CNTN1: variants seen among roughly 807,000 people sequenced by gnomAD.
The protein encoded by CNTN1 is contactin 1, also known as contactin-1.
Under a neutral mutation model 126.4 loss-of-function variants are expected in CNTN1, and 38 were observed. The observed-to-expected ratio is 0.30, with a 90% CI of 0.23 to 0.39. CNTN1 has a LOEUF of 0.39. Ranked by LOEUF, CNTN1 falls within the 10% of genes least tolerant of loss-of-function variation. The probability of loss-of-function intolerance (pLI) is 1.00; values close to 1 mark genes in which losing one functional copy is unlikely to be tolerated. For missense variants in CNTN1, 1,009 were observed against 1,248.4 expected, an observed-to-expected ratio of 0.81 and a Z score of 2.89; for synonymous variants, 413 against 422.6, an observed-to-expected ratio of 0.98 and a Z score of 0.28.
chr12:40,903,920 T>C (rs1370087055), intron 1 of CNTN1, among the ~76,000 whole-genome samples: 3 of 152,244 alleles, frequency 2.0e-5, no homozygotes, highest in African/African-American at 7.2e-5. Flanking sequence ...ATATTGATAC[T>C]TAAAATATCC....
At chr12:40,859,101 C>A (rs983278950) in intron 1 of CNTN1, among the ~76,000 whole-genome samples, 5 of 151,788 alleles carry the variant, frequency 3.3e-5, no homozygotes, top group East Asian at 3.9e-4. Flanking sequence ...ATGTAACAGA[C>A]CTGCACGTCC....
At chr12:40,773,617 C>A (rs1252402535) in intron 1 of CNTN1, among the ~76,000 whole-genome samples, 1 of 142,676 alleles carries the variant, frequency 7.0e-6, no homozygotes, top group Non-Finnish European at 1.5e-5. Flanking sequence ...GTTTTTCTGA[C>A]CTCTGACCAG....
At position 40,908,498 on chromosome 12, in the gene CNTN1, G is replaced by T; in HGVS notation, c.61+5G>T. 6.3e-7 allele frequency: 1 copy of T among 1,575,774 alleles called. No individual in the cohort carries two copies. Among genetic ancestry groups the T allele is most frequent in the Non-Finnish European group, 8.7e-7 (1 of 1,146,736 alleles). Reference sequence around the variant, plus strand: ...CTATTACTACCTGTTTAGCAGGTAAGAAATATCCTTTGTATATTCTACATA... The same window carrying T: ...CTATTACTACCTGTTTAGCAGGTAATAAATATCCTTTGTATATTCTACATA... On this transcript the variant is annotated splice_donor_5th_base_variant and intron_variant, in intron 2 of 23. Transcript: ENST00000551295.
At chr12:40,803,545 G>C (rs774345796) in intron 1 of CNTN1, among the ~76,000 whole-genome samples, 1 of 151,904 alleles carries the variant, frequency 6.6e-6, no homozygotes, top group Non-Finnish European at 1.5e-5. Context: ...TAACAAGCTA[G>C]TACAACTTTA....
intron 21 of CNTN1, 93 bp downstream of exon 21, chr12:41,025,429 T>G: frequency 8.3e-7 from 1 of 1,207,718 alleles, no homozygotes; most frequent in Non-Finnish European, 1.2e-6. Flanking sequence ...CCTACCTAGC[T>G]ACCTGAGCAC....
intron 1 of CNTN1, among the ~76,000 whole-genome samples, chr12:40,808,118 G>C (rs926646378): frequency 1.3e-5 from 2 of 152,128 alleles, no homozygotes; most frequent in African/African-American, 4.8e-5. Context: ...TCATTGTTCA[G>C]TTGACCAAAG....
intron 1 of CNTN1, among the ~76,000 whole-genome samples, chr12:40,847,951 G>A (rs1942576065): frequency 6.6e-6 from 1 of 152,168 alleles, no homozygotes; most frequent in African/African-American, 2.4e-5. Flanking sequence ...ACTTGCACGG[G>A]CAGTTCACAA....
chr12:40,719,947 C>T (rs1244741180), intron 1 of CNTN1, among the ~76,000 whole-genome samples: 1 of 152,034 alleles, frequency 6.6e-6, no homozygotes, highest in Non-Finnish European at 1.5e-5. Flanking sequence ...AAGCAATTCT[C>T]CTGTCTCAGC....
intron 1 of CNTN1, among the ~76,000 whole-genome samples, chr12:40,696,988 A>T (rs1222089639): frequency 6.6e-6 from 1 of 152,168 alleles, no homozygotes; most frequent in East Asian, 1.9e-4. Flanking sequence ...TATTCATTTC[A>T]TTTAATATTC....
intron 1 of CNTN1, among the ~76,000 whole-genome samples, chr12:40,900,703 G>C (rs1193935046): frequency 1.3e-5 from 2 of 152,148 alleles, no homozygotes; most frequent in African/African-American, 2.4e-5. Context: ...TAGCAAGCAA[G>C]ATTTAGAACT....
chr12:40,811,199 C>T (rs748673324), intron 1 of CNTN1, among the ~76,000 whole-genome samples: 2 of 152,084 alleles, frequency 1.3e-5, no homozygotes, highest in African/African-American at 2.4e-5. Context: ...ACCCTGAAAT[C>T]GGATTGCTTG....
At chr12:40,999,814 TGCCTCA>T (rs1948312884) in intron 17 of CNTN1, among the ~76,000 whole-genome samples, 1 of 149,732 alleles carries the variant, frequency 6.7e-6, no homozygotes, top group Non-Finnish European at 1.5e-5. Flanking sequence ...GCCATTCTCC[TGCCTCA>T]GCCTTCCAAG....
chr12:40,922,757 G>A lies in CNTN1; in HGVS notation c.400+329G>A, dbSNP rs1225195742. 2.0e-5 allele frequency among the ~76,000 whole-genome samples: 3 copies of A among 152,062 alleles called. No individual in the cohort carries two copies. The South Asian group carries it at 6.2e-4, about 32-fold the overall frequency. On this transcript the variant is annotated intron_variant, in intron 5 of 23. Transcript: ENST00000551295. ...GGAGGCTGAGGCTGGTGGATCATGA[G>A]GTCAGGAGATCGAGACCATCCTGGC...
At chr12:41,021,358 A>G (rs867932143) in intron 20 of CNTN1, among the ~76,000 whole-genome samples, 16 of 142,874 alleles carry the variant, frequency 1.1e-4, no homozygotes, top group African/African-American at 3.9e-4. Flanking sequence ...CCACTCCCCC[A>G]GCCAGCTTGC....
At chr12:40,854,149 A>C (rs533524201) in intron 1 of CNTN1, among the ~76,000 whole-genome samples, 1 of 151,764 alleles carries the variant, frequency 6.6e-6, no homozygotes, top group South Asian at 2.1e-4. Flanking sequence ...CTGACATGCT[A>C]TCTATACTTA....
intron 19 of CNTN1, 122 bp from the exon 20 acceptor site, chr12:41,020,215 G>C (rs991008066): frequency 3.2e-6 from 2 of 627,370 alleles, no homozygotes; most frequent in Admixed American, 3.1e-5. Flanking sequence ...AAATAGTAAA[G>C]CTATTTTAGA....
intron 15 of CNTN1, among the ~76,000 whole-genome samples, chr12:40,967,667 T>C (rs1395261837): frequency 6.6e-6 from 1 of 152,040 alleles, no homozygotes; most frequent in Non-Finnish European, 1.5e-5. Context: ...TATGCCAAAT[T>C]AGGCTACAAT....
intron 1 of CNTN1, chr12:40,828,148 G>A (rs1160988866): frequency 1.3e-5 from 2 of 152,234 alleles, no homozygotes; most frequent in African/African-American, 4.8e-5. Flanking sequence ...GGGAGCGGCT[G>A]TGCCTGCCTG....
At chr12:40,858,678 G>A (rs147762718) in intron 1 of CNTN1, among the ~76,000 whole-genome samples, 186 of 152,152 alleles carry the variant, frequency 1.2e-3, no homozygotes, top group African/African-American at 4.2e-3. Context: ...ACATGCACAC[G>A]TATGTTCATT....
Sources: allele counts gnomAD v4.1 joint callset (sites outside exome capture counted in the v4.1 genomes callset), GRCh38; gene constraint gnomAD v4.1.1; transcripts MANE v1.5; gene names NCBI Gene and HGNC (gene_info 2026-07-23, HGNC 2026-07-21).